Variants in NALF1 observed in about 807,000 individuals in gnomAD.
NALF1 encodes family with sequence similarity 155 member A.
Under a neutral mutation model 48.4 loss-of-function variants are expected in NALF1, and 3 were observed. The observed-to-expected ratio is 0.06, with a 90% CI of 0.03 to 0.16. The LOEUF is 0.16. Ranked by LOEUF, NALF1 falls within the 10% of genes least tolerant of loss-of-function variation. NALF1 has a pLI of 1.00. For missense variants in NALF1, 526 were observed against 571.5 expected, an observed-to-expected ratio of 0.92 and a Z score of 0.81; for synonymous variants, 262 against 245.7, an observed-to-expected ratio of 1.07 and a Z score of -0.62.
chr13:107,461,146 C>A (rs929244773), intron 1 of NALF1, among the ~76,000 whole-genome samples: 3 of 151,902 alleles, frequency 2.0e-5, no homozygotes, highest in African/African-American at 7.3e-5. Context: ...AAGACCCAAG[C>A]TATGGATTAA....
At chr13:107,608,307 A>G (rs1879127700) in intron 1 of NALF1, among the ~76,000 whole-genome samples, 1 of 152,192 alleles carries the variant, frequency 6.6e-6, no homozygotes, top group African/African-American at 2.4e-5. Context: ...AGCACTCACT[A>G]CAGATCCAGC....
At chr13:107,321,562 C>T (rs1032431943) in intron 1 of NALF1, among the ~76,000 whole-genome samples, 6 of 151,998 alleles carry the variant, frequency 3.9e-5, no homozygotes, top group Non-Finnish European at 7.4e-5. Flanking sequence ...TTTTTTTCTA[C>T]GAAAAGGCAG....
intron 1 of NALF1, among the ~76,000 whole-genome samples, chr13:107,635,200 T>C (rs938724985): frequency 1.3e-5 from 2 of 152,120 alleles, no homozygotes; most frequent in Non-Finnish European, 2.9e-5. Flanking sequence ...ATCCTCATAC[T>C]GCTATGAAGA....
chr13:107,180,176 T>C (rs1016311602), intron 2 of NALF1, among the ~76,000 whole-genome samples: 12 of 151,990 alleles, frequency 7.9e-5, no homozygotes, highest in African/African-American at 2.4e-4. Context: ...CTATTTTAAA[T>C]CATTTTTTTG....
At chr13:107,674,598 G>A (rs1237481024) in intron 1 of NALF1, among the ~76,000 whole-genome samples, 1 of 152,170 alleles carries the variant, frequency 6.6e-6, no homozygotes, top group Non-Finnish European at 1.5e-5. Context: ...CCCTGTGCCT[G>A]TCCTCAAGGG....
chr13:107,627,794 T>C (rs189385743), intron 1 of NALF1, among the ~76,000 whole-genome samples: 1 of 152,228 alleles, frequency 6.6e-6, no homozygotes, highest in East Asian at 1.9e-4. Context: ...TTTGACTGCA[T>C]TCAATATAAA....
chr13:107,311,623 T>A (rs1041685717), intron 1 of NALF1, among the ~76,000 whole-genome samples: 2 of 151,694 alleles, frequency 1.3e-5, no homozygotes, highest in Admixed American at 1.3e-4. Context: ...TCCCAAAAAC[T>A]ATTCAGTAAA....
chr13:107,555,487 GTT>G lies in NALF1; in HGVS notation c.915+310193_915+310194del, dbSNP rs575427817. 2.6e-3 allele frequency among the ~76,000 whole-genome samples: 346 copies of G among 133,904 alleles called. 3 individuals carry two copies. The highest frequency in any genetic ancestry group is 9.5e-3 in the African/African-American group (335 of 35,304). The allele number at this position is 133,904 out of a possible 152,430, so 87.8% of individuals were successfully genotyped here. A position where few individuals can be genotyped will look rare whatever the true frequency, so the allele number is the denominator to read the frequency against. Reference sequence around the variant, plus strand: ...TTTTTGTATTTTTAGTAGAGACGGGGTTTCACCATGTTTGCCAGGCTGGTCTC... The same window carrying G: ...TTTTTGTATTTTTAGTAGAGACGGGGTCACCATGTTTGCCAGGCTGGTCTC... On this transcript the variant is annotated intron_variant, in intron 1 of 2. Transcript: ENST00000375915.
In NALF1 at chr13:107,608,533, G is replaced by T. The variant is rs1470177032; in HGVS notation, c.915+257149C>A. 6.6e-5 allele frequency among the ~76,000 whole-genome samples: 10 copies of T among 152,102 alleles called. 1 individual carries two copies. The East Asian group carries it at 1.9e-3, about 29-fold the overall frequency. ...CCAGCACAGACTTTGTTACTTAAAG[G>T]GGAGTTTTGCCATGTCCAAAACCCT... On this transcript the variant is annotated intron_variant, in intron 1 of 2. Transcript: ENST00000375915.
At chr13:107,634,929 C>A (rs1186544741) in intron 1 of NALF1, among the ~76,000 whole-genome samples, 1 of 151,988 alleles carries the variant, frequency 6.6e-6, no homozygotes, top group African/African-American at 2.4e-5. Context: ...AGGAATAAGT[C>A]CCACAAGTAG....
intron 1 of NALF1, among the ~76,000 whole-genome samples, chr13:107,631,094 C>A (rs555162746): frequency 6.6e-6 from 1 of 152,142 alleles, no homozygotes; most frequent in African/African-American, 2.4e-5. Context: ...ACCTCATGGG[C>A]TCAAGCAATC....
chr13:107,760,492 G>A (rs1251093389), intron 1 of NALF1, among the ~76,000 whole-genome samples: 1 of 152,174 alleles, frequency 6.6e-6, no homozygotes. Context: ...TTTGTTAGAT[G>A]ATGAATTATA....
intron 1 of NALF1, among the ~76,000 whole-genome samples, chr13:107,830,701 C>T (rs1020935115): frequency 7.2e-5 from 11 of 152,132 alleles, no homozygotes; most frequent in African/African-American, 2.4e-4. Flanking sequence ...ACACTCTCTC[C>T]GTGTGATCTC....
At chr13:107,369,715 C>G (rs1171328711) in intron 1 of NALF1, among the ~76,000 whole-genome samples, 1 of 152,000 alleles carries the variant, frequency 6.6e-6, no homozygotes, top group Non-Finnish European at 1.5e-5. Flanking sequence ...AAATGTTATA[C>G]AGTTTTTAAG....
At chr13:107,269,736 G>C (rs1408570) in intron 1 of NALF1, among the ~76,000 whole-genome samples, 92,283 of 151,706 alleles carry the variant, frequency 0.61, 30,719 homozygotes, top group South Asian at 0.81. Flanking sequence ...GAGACCTCCA[G>C]AGAGGGAGGA....
In NALF1 at chr13:107,728,053, G is replaced by A. The variant is rs142531542; in HGVS notation, c.915+137629C>T. Among the ~76,000 whole-genome samples, 823 of 152,300 alleles carry A rather than the reference G, an allele frequency of 5.4e-3. 9 individuals carry two copies. The highest frequency in any genetic ancestry group is 0.019 in the African/African-American group (784 of 41,558). On this transcript the variant is annotated intron_variant, in intron 1 of 2. Transcript: ENST00000375915. ...GGAAACAACAGATGCTGGAGAGGAT[G>A]TGGAGAAATAGAAACACTTTTACAC...
rs894861740 is a variant in NALF1 at position 107,866,586 on chromosome 13, C to A, written c.11G>T (p.Gly4Val). 11 of 1,605,692 alleles carry A rather than the reference C, an allele frequency of 6.9e-6. No homozygotes were observed. Among genetic ancestry groups the A allele is most frequent in the African/African-American group, 1.3e-5 (1 of 74,920 alleles). MTR[G>V]AWMCRQYDDG... Reference sequence around the variant, plus strand: ...GTCATACTGCCGACACATCCAAGCACCCCTGGTCATATTTTGGGAACGCAC... The same window carrying A: ...GTCATACTGCCGACACATCCAAGCAACCCTGGTCATATTTTGGGAACGCAC... Residue 4 changes from glycine (G) to valine (V), a missense_variant, in exon 1 of 3, where the codon GGT becomes GTT. Coordinates refer to ENST00000375915, the MANE Select transcript of NALF1 (RefSeq NM_001080396.3). This position sits in a 1 kb window ranked among gnomAD's most constrained non-coding sequence, Gnocchi z 4.4.
chr13:107,251,000 C>A (rs534092057), intron 1 of NALF1, among the ~76,000 whole-genome samples: 1 of 152,260 alleles, frequency 6.6e-6, no homozygotes, highest in South Asian at 2.1e-4. Context: ...GTCTGCAGAA[C>A]CGTGAGCCAA....
rs1458152405 is a variant in NALF1 at position 107,164,280 on chromosome 13, A to C, written c.*6217T>G. The C allele has an allele frequency of 6.6e-6, 1 of 152,230 alleles. No individual in the cohort carries two copies. Among genetic ancestry groups the C allele is most frequent in the African/African-American group, 2.4e-5 (1 of 41,466 alleles). 9.4% of individuals were successfully genotyped at this position (152,230 alleles called of 1,614,324 possible). Reference sequence around the variant, plus strand: ...ACAAATCAATGAAATAATTTACTCAAGAGCCCTGCTTAATCTATTTCCATA... The same window carrying C: ...ACAAATCAATGAAATAATTTACTCACGAGCCCTGCTTAATCTATTTCCATA... On this transcript the variant is annotated 3_prime_UTR_variant, in exon 3 of 3. Transcript: ENST00000375915.
Sources: allele counts gnomAD v4.1 joint callset (sites outside exome capture counted in the v4.1 genomes callset), GRCh38; gene constraint gnomAD v4.1.1; non-coding constraint Gnocchi (gnomAD v3.1); transcripts MANE v1.5; gene names NCBI Gene and HGNC (gene_info 2026-07-23, HGNC 2026-07-21).